Variants in MAD1L1 observed in about 807,000 individuals in gnomAD.
MAD1L1 encodes the protein mitotic spindle assembly checkpoint protein MAD1.
MAD1L1 carries 95 observed loss-of-function variants against 96.9 expected under a neutral mutation model. The observed-to-expected ratio is 0.98, with a 90% CI of 0.83 to 1.16. The LOEUF (loss-of-function observed/expected upper bound fraction) is 1.16, where lower values mean the gene tolerates loss of function less well. Ranked by LOEUF, MAD1L1 falls within the 50% of genes most tolerant of loss-of-function variation. The probability of loss-of-function intolerance (pLI) is 0.00; values close to 1 mark genes in which losing one functional copy is unlikely to be tolerated. For synonymous variants in MAD1L1, 473 were observed against 396.6 expected (o/e 1.19, Z -2.29); for missense variants, 1,007 against 954.4 (o/e 1.06, Z -0.73).
intron 14 of MAD1L1, among the ~76,000 whole-genome samples, chr7:1,981,523 G>T (rs1292690853): frequency 6.6e-6 from 1 of 152,140 alleles, no homozygotes. Flanking sequence ...GGATCCGATG[G>T]GTTTAGGGAG....
chr7:1,816,056 CCCGAGCCTGCAGGCTACGCCA>C lies in MAD1L1; in HGVS notation c.2150_*13del. The C allele has an allele frequency of 6.2e-7, 1 of 1,601,346 alleles. No homozygotes were observed. Among genetic ancestry groups the C allele is most frequent in the Non-Finnish European group, 8.5e-7 (1 of 1,173,198 alleles). On this transcript the variant is annotated stop_retained_variant and 3_prime_UTR_variant, in exon 19 of 19. Coordinates refer to ENST00000265854, the MANE Select transcript of MAD1L1 (RefSeq NM_001013836.2). ...CAAGCAGAGTGGCTCCGGCTATGCC[CCCGAGCCTGCAGGCTACGCCA>C]CGGTCTGGCGGCTGAAGAGCTCGAG...
chr7:1,955,084 T>C (rs1233011577), intron 16 of MAD1L1, among the ~76,000 whole-genome samples: 2 of 152,204 alleles, frequency 1.3e-5, no homozygotes, highest in Non-Finnish European at 2.9e-5. Context: ...CGCCCAGCTC[T>C]AAGGGGTAAC....
chr7:2,093,244 CAA>C (rs10654575), intron 11 of MAD1L1, among the ~76,000 whole-genome samples: 3 of 101,040 alleles, frequency 3.0e-5, no homozygotes, highest in Admixed American at 1.2e-4. Context: ...GACTCCGTGT[CAA>C]AAAAAAAAAA....
At chr7:2,115,553 G>A (rs1002764089) in intron 11 of MAD1L1, among the ~76,000 whole-genome samples, 2 of 151,110 alleles carry the variant, frequency 1.3e-5, no homozygotes, top group Non-Finnish European at 3.0e-5. Flanking sequence ...AGGAGGCGCT[G>A]GACAGGGTCC....
At chr7:1,874,888 G>C (rs958429655) in intron 18 of MAD1L1, among the ~76,000 whole-genome samples, 1 of 152,074 alleles carries the variant, frequency 6.6e-6, no homozygotes. Context: ...CATGGAGACC[G>C]GCCACACCCC....
At chr7:1,845,099 G>A (rs374401064) in intron 18 of MAD1L1, among the ~76,000 whole-genome samples, 3 of 152,250 alleles carry the variant, frequency 2.0e-5, no homozygotes, top group East Asian at 3.8e-4. Flanking sequence ...GGGGAGAGCA[G>A]AGCGAAGGGG....
chr7:1,946,715 T>C (rs2128469374), intron 16 of MAD1L1, among the ~76,000 whole-genome samples: 1 of 152,336 alleles, frequency 6.6e-6, no homozygotes, highest in African/African-American at 2.4e-5. Context: ...CTTGCAGGCC[T>C]ACTGTCTGTC....
intron 17 of MAD1L1, among the ~76,000 whole-genome samples, chr7:1,933,542 G>A (rs1381935009): frequency 6.6e-6 from 1 of 152,218 alleles, no homozygotes; most frequent in Non-Finnish European, 1.5e-5. Flanking sequence ...CAAACGCGCT[G>A]AGCATCCGCG....
rs1364010539 is a variant in MAD1L1 at position 1,947,445 on chromosome 7, C to T, written c.1596+10184G>A. Among the ~76,000 whole-genome samples, 4 of 152,382 alleles carry T rather than the reference C, an allele frequency of 2.6e-5. No homozygotes were observed. In the East Asian group the frequency reaches 7.7e-4, roughly 29 times the overall value. Reference sequence around the variant, plus strand: ...AGATCGTCCGGCGTCAAAATTCAATCAATACCTCTCCTGGCTGAAGGAAAT... The same window carrying T: ...AGATCGTCCGGCGTCAAAATTCAATTAATACCTCTCCTGGCTGAAGGAAAT... On this transcript the variant is annotated intron_variant, in intron 16 of 18. Coordinates refer to ENST00000265854, the MANE Select transcript of MAD1L1 (RefSeq NM_001013836.2).
chr7:1,988,001 C>T (rs968911286), intron 14 of MAD1L1, among the ~76,000 whole-genome samples: 2 of 152,306 alleles, frequency 1.3e-5, no homozygotes, highest in Non-Finnish European at 1.5e-5. Context: ...CCCTAGGAGG[C>T]ATCCTCACCG....
intron 11 of MAD1L1, among the ~76,000 whole-genome samples, chr7:2,113,746 C>T (rs1473224593): frequency 6.6e-6 from 1 of 152,188 alleles, no homozygotes; most frequent in Admixed American, 6.5e-5. Flanking sequence ...CACACCCCGA[C>T]ATCACACACC....
intron 12 of MAD1L1, among the ~76,000 whole-genome samples, chr7:2,019,042 C>T (rs945337384): frequency 6.6e-6 from 1 of 152,206 alleles, no homozygotes; most frequent in African/African-American, 2.4e-5. Flanking sequence ...CCTCTCCCGA[C>T]GCATGGAGCC....
rs565423688 is a variant in MAD1L1, at chr7:1,927,436, C to T, written c.1807+9251G>A. Among the ~76,000 whole-genome samples, 9 of 152,246 alleles carry T rather than the reference C, an allele frequency of 5.9e-5. 1 individual carries two copies. In the South Asian group the frequency reaches 1.5e-3, roughly 25 times the overall value. ...GTGCTGCTGATTTCGAGACTTACTA[C>T]GAAGCTACAGTAATCAATACCGTGG... is the stretch of plus-strand genomic sequence containing the variant. On this transcript the variant is annotated intron_variant, in intron 17 of 18. Transcript: ENST00000265854.
chr7:2,095,293 C>T (rs1786428494), intron 11 of MAD1L1, among the ~76,000 whole-genome samples: 1 of 152,304 alleles, frequency 6.6e-6, no homozygotes, highest in African/African-American at 2.4e-5. Context: ...ATCCACCCGC[C>T]TCGGCCTCCC....
At chr7:1,888,669 G>T (rs147443353) in intron 18 of MAD1L1, among the ~76,000 whole-genome samples, 2 of 152,140 alleles carry the variant, frequency 1.3e-5, no homozygotes, top group East Asian at 3.9e-4. Context: ...TGTGTATGTG[G>T]CTGTCTGTGC....
chr7:2,129,469 G>T (rs1031867775), intron 11 of MAD1L1, among the ~76,000 whole-genome samples: 1 of 152,206 alleles, frequency 6.6e-6, no homozygotes, highest in South Asian at 2.1e-4. Context: ...CCCTCCTGCC[G>T]TGGGTCTGAA....
intron 11 of MAD1L1, among the ~76,000 whole-genome samples, chr7:2,136,396 C>G (rs950797329): frequency 1.3e-5 from 2 of 152,112 alleles, no homozygotes; most frequent in African/African-American, 2.4e-5. Context: ...CGCCAGCAGG[C>G]AGGATCAGTG....
intron 18 of MAD1L1, chr7:1,849,054 A>ATG (rs1285630642): frequency 1.4e-5 from 1 of 73,216 alleles, no homozygotes. Flanking sequence ...ATGTACACAC[A>ATG]CACACACACA....
chr7:1,972,011 G>A (rs918688419), intron 15 of MAD1L1, among the ~76,000 whole-genome samples: 3 of 152,284 alleles, frequency 2.0e-5, no homozygotes, highest in East Asian at 1.9e-4. Context: ...AATCTCCCTC[G>A]ATGGTAACAA....
Sources: allele counts gnomAD v4.1 joint callset (sites outside exome capture counted in the v4.1 genomes callset), GRCh38; gene constraint gnomAD v4.1.1; transcripts MANE v1.5; gene names NCBI Gene and HGNC (gene_info 2026-07-23, HGNC 2026-07-21).